Variants in ATF6 observed in about 807,000 individuals in gnomAD.
The protein encoded by ATF6 is activating transcription factor 6.
A neutral mutation model predicts 83.6 loss-of-function variants in ATF6; 53 were observed. The observed-to-expected ratio is 0.63, with a 90% confidence interval of 0.51 to 0.80. ATF6 has a LOEUF of 0.80. Among genes scored for constraint, ATF6 ranks in the 30% least tolerant of loss-of-function variants. The probability of loss-of-function intolerance (pLI) is 0.00; values close to 1 mark genes in which losing one functional copy is unlikely to be tolerated. For missense variants in ATF6, 744 were observed against 797.9 expected, an observed-to-expected ratio of 0.93 and a Z score of 0.81; for synonymous variants, 288 against 285.8, an observed-to-expected ratio of 1.01 and a Z score of -0.08.
At chr1:161,851,254 ACACACACAC>A (rs1557995012) in intron 10 of ATF6, among the ~76,000 whole-genome samples, 14 of 147,726 alleles carry the variant, frequency 9.5e-5, no homozygotes, top group Non-Finnish European at 3.0e-5. Context: ...ACACACACAC[ACACACACAC>A]ACACACACAC....
intron 15 of ATF6, among the ~76,000 whole-genome samples, chr1:161,952,434 C>A (rs766175762): frequency 6.6e-6 from 1 of 152,062 alleles, no homozygotes; most frequent in African/African-American, 2.4e-5. Flanking sequence ...CACACTCAAT[C>A]CCTAATCAAC....
chr1:161,853,436 C>A, intron 12 of ATF6, 113 bp downstream of exon 12: 1 of 770,196 alleles, frequency 1.3e-6, no homozygotes, highest in Non-Finnish European at 2.2e-6. Flanking sequence ...AGCCTCTTCC[C>A]ACTGTCTCCT....
intron 15 of ATF6, among the ~76,000 whole-genome samples, chr1:161,954,574 A>T (rs10918290): frequency 0.64 from 96,855 of 152,054 alleles, 32,422 homozygotes; most frequent in Non-Finnish European, 0.75. Flanking sequence ...GTGTCTGGCT[A>T]GTGTGTTAGT....
At position 161,792,139 on chromosome 1, in the gene ATF6, C is replaced by A. The variant is rs756027420; in HGVS notation, c.500C>A (p.Pro167Gln). Residue 167 changes from proline to glutamine, a missense_variant, in exon 6 of 16, where the codon CCA becomes CAA. Coordinates refer to ENST00000367942, the MANE Select transcript of ATF6 (RefSeq NM_007348.4). ...TTTTCTCCAGAAAATGGACTGACTC[C>A]AAAGAAAAAAATTCAGGTGAATTCA... is the stretch of plus-strand genomic sequence containing the variant. ...PRNKTENGLT[P>Q]KKKIQVNSKP... 4 of 1,613,726 alleles carry A rather than the reference C, an allele frequency of 2.5e-6. No homozygotes were observed. Among genetic ancestry groups the A allele is most frequent in the Non-Finnish European group, 8.5e-7 (1 of 1,179,966 alleles).
At chr1:161,820,968 G>T in intron 8 of ATF6, 102 bp from the exon 9 acceptor site, 3 of 614,378 alleles carry the variant, frequency 4.9e-6, no homozygotes, top group Non-Finnish European at 8.0e-6. Flanking sequence ...TGTAAGACAA[G>T]AGATTTACGT....
chr1:161,777,428 T>C (rs903176620), intron 1 of ATF6, among the ~76,000 whole-genome samples: 1 of 152,168 alleles, frequency 6.6e-6, no homozygotes, highest in Non-Finnish European at 1.5e-5. Context: ...ACAGTGCAGT[T>C]CCTACACTTG....
intron 9 of ATF6, among the ~76,000 whole-genome samples, chr1:161,825,981 T>G (rs1685885796): frequency 6.6e-6 from 1 of 152,190 alleles, no homozygotes; most frequent in Admixed American, 6.5e-5. Context: ...GATGCTCTTC[T>G]TACCCCCTAT....
chr1:161,959,139 G>A lies in ATF6; in HGVS notation c.*485G>A, dbSNP rs1447999718. On this transcript the variant is annotated 3_prime_UTR_variant, in exon 16 of 16. Coordinates refer to ENST00000367942, the MANE Select transcript of ATF6 (RefSeq NM_007348.4). Reference sequence around the variant, plus strand: ...TTAATGCAAACCCATTCTGGATATTGTGCTTATTTGAGAAAACACATTTCA... The same window carrying A: ...TTAATGCAAACCCATTCTGGATATTATGCTTATTTGAGAAAACACATTTCA... 9 of 152,490 alleles carry A rather than the reference G, an allele frequency of 5.9e-5. 1 individual carries two copies. Among genetic ancestry groups the A allele is most frequent in the Admixed American group, 5.9e-4 (9 of 15,296 alleles). 9.4% of individuals were successfully genotyped at this position (152,490 alleles called of 1,614,324 possible).
chr1:161,798,717 A>G (rs1188678817), intron 6 of ATF6, among the ~76,000 whole-genome samples: 2 of 152,228 alleles, frequency 1.3e-5, no homozygotes, highest in African/African-American at 4.8e-5. Flanking sequence ...TGTATCCAAC[A>G]AAGGTCTAAT....
chr1:161,906,543 A>G (rs1039803016), intron 14 of ATF6, among the ~76,000 whole-genome samples: 9 of 152,224 alleles, frequency 5.9e-5, no homozygotes, highest in African/African-American at 1.7e-4. Context: ...GACATCCTAC[A>G]GAGTTTGACA....
chr1:161,899,704 A>C (rs1056506379), intron 14 of ATF6, among the ~76,000 whole-genome samples: 4 of 152,208 alleles, frequency 2.6e-5, no homozygotes, highest in Non-Finnish European at 5.9e-5. Context: ...CCACTGCCTT[A>C]TTCCTCTGGG....
intron 15 of ATF6, 100 bp downstream of exon 15, chr1:161,912,480 G>A (rs1688010771): frequency 1.8e-6 from 1 of 570,466 alleles, no homozygotes; most frequent in South Asian, 3.9e-5. Flanking sequence ...AGTTAAATGA[G>A]TATATATCCG....
intron 9 of ATF6, among the ~76,000 whole-genome samples, chr1:161,825,496 C>G (rs952736034): frequency 1.3e-5 from 2 of 152,132 alleles, no homozygotes; most frequent in Non-Finnish European, 1.5e-5. Context: ...TTGAGGGTTC[C>G]CACAATTCCC....
intron 14 of ATF6, among the ~76,000 whole-genome samples, chr1:161,898,390 C>T (rs777533479): frequency 9.2e-5 from 14 of 152,190 alleles, no homozygotes; most frequent in Non-Finnish European, 1.6e-4. Context: ...GAAAGAATAA[C>T]GTACCTCTGG....
At chr1:161,920,816 G>A (rs1322640865) in intron 15 of ATF6, among the ~76,000 whole-genome samples, 2 of 152,146 alleles carry the variant, frequency 1.3e-5, no homozygotes, top group African/African-American at 2.4e-5. Flanking sequence ...CAAGAAAGCA[G>A]ACATTTTCCA....
chr1:161,799,110 A>G (rs116416696), intron 6 of ATF6, among the ~76,000 whole-genome samples: 2,102 of 152,224 alleles, frequency 0.014, 45 homozygotes, highest in African/African-American at 0.048. Context: ...ACCCAAGGGA[A>G]TATAAAGACA....
rs532982314 is a variant in ATF6, at chr1:161,912,627, TG to T, written c.1804+248del. Among the ~76,000 whole-genome samples the T allele has an allele frequency of 1.1e-4, 17 of 152,342 alleles. No homozygotes were observed. In the South Asian group the frequency reaches 3.3e-3, roughly 30 times the overall value. On this transcript the variant is annotated intron_variant, in intron 15 of 15. Transcript: ENST00000367942. ...AAATTGGAAAAGCTAGCATCTTGAC[TG>T]CTCTACAGACTTGCATCTGCGACCC...
intron 4 of ATF6, among the ~76,000 whole-genome samples, chr1:161,790,577 A>G (rs886720568): frequency 6.6e-6 from 1 of 152,114 alleles, no homozygotes; most frequent in South Asian, 2.1e-4. Context: ...TGGGAGGCTG[A>G]GGTGGGTGGA....
intron 14 of ATF6, among the ~76,000 whole-genome samples, chr1:161,870,277 C>T (rs1020984471): frequency 6.6e-6 from 1 of 151,748 alleles, no homozygotes; most frequent in Non-Finnish European, 1.5e-5. Flanking sequence ...ATTATGCTTT[C>T]ATAATGCTGG....
Sources: gnomAD v4.1 joint callset for allele counts (sites outside exome capture counted in the v4.1 genomes callset) on GRCh38, gnomAD v4.1.1 for gene constraint, MANE v1.5 for transcripts, NCBI Gene and HGNC (gene_info 2026-07-23, HGNC 2026-07-21) for gene names.